The following LUZP2 variants were observed in gnomAD, a reference collection of about 807,000 sequenced individuals.
LUZP2 encodes leucine zipper protein 2.
LUZP2 carries 52 observed loss-of-function variants against 51.6 expected under a neutral mutation model. That is an observed-to-expected ratio of 1.01 (90% CI 0.81 to 1.27). The LOEUF (loss-of-function observed/expected upper bound fraction) is 1.27, where lower values mean the gene tolerates loss of function less well. LUZP2 is among the 50% of genes most tolerant of loss of function. The probability of loss-of-function intolerance (pLI) is 0.00; values close to 1 mark genes in which losing one functional copy is unlikely to be tolerated. For synonymous variants in LUZP2, 154 were observed against 137.3 expected (o/e 1.12, Z -0.85); for missense variants, 436 against 395.4 (o/e 1.10, Z -0.87).
At chr11:24,897,169 G>A (rs1853092967) in intron 5 of LUZP2, among the ~76,000 whole-genome samples, 1 of 112,774 alleles carries the variant, frequency 8.9e-6, no homozygotes, top group African/African-American at 3.5e-5. Flanking sequence ...CTCAGGGATT[G>A]TAAACACACC....
intron 1 of LUZP2, among the ~76,000 whole-genome samples, chr11:24,578,075 A>G (rs1852717665): frequency 6.6e-6 from 1 of 152,122 alleles, no homozygotes; most frequent in Non-Finnish European, 1.5e-5. Flanking sequence ...TTCTTTCTAG[A>G]CTGGGAGAAA....
At chr11:25,021,412 A>C (rs757779781) in intron 9 of LUZP2, among the ~76,000 whole-genome samples, 1 of 113,212 alleles carries the variant, frequency 8.8e-6, no homozygotes, top group African/African-American at 2.8e-5. Flanking sequence ...TTGTCCATGC[A>C]TGTGCACACA....
chr11:24,738,367 A>T, intron 4 of LUZP2, 65 bp downstream of exon 4: 3 of 1,116,412 alleles, frequency 2.7e-6, no homozygotes, highest in Non-Finnish European at 4.0e-6. Context: ...TCTTTTTCCA[A>T]AATCACTATG....
At chr11:24,659,989 G>A (rs1057240367) in intron 1 of LUZP2, among the ~76,000 whole-genome samples, 1 of 152,082 alleles carries the variant, frequency 6.6e-6, no homozygotes, top group Admixed American at 6.6e-5. Context: ...TTCACTTGGA[G>A]TAACGAAAAA....
At chr11:24,713,851 G>A (rs967410060) in intron 1 of LUZP2, among the ~76,000 whole-genome samples, 2 of 122,134 alleles carry the variant, frequency 1.6e-5, no homozygotes, top group East Asian at 2.6e-4. Context: ...ACCATGCCTG[G>A]CCATTTTTTT....
chr11:24,514,886 T>A (rs10767200), intron 1 of LUZP2, among the ~76,000 whole-genome samples: 151,125 of 152,276 alleles, frequency 0.99, 75,003 homozygotes, highest in East Asian at 1. Context: ...GCTGGTTGGT[T>A]CAGGATCAAG....
At chr11:24,641,700 CT>C (rs1855289929) in intron 1 of LUZP2, among the ~76,000 whole-genome samples, 1 of 151,840 alleles carries the variant, frequency 6.6e-6, no homozygotes, top group Non-Finnish European at 1.5e-5. Context: ...CTACTTCTAG[CT>C]TACAAATGCC....
intron 1 of LUZP2, among the ~76,000 whole-genome samples, chr11:24,529,992 A>C (rs919251996): frequency 6.6e-6 from 1 of 150,956 alleles, no homozygotes; most frequent in African/African-American, 2.4e-5. Context: ...GAAAATAAAC[A>C]CTTCATTTTT....
chr11:24,998,549 G>A (rs1055158129), intron 9 of LUZP2, among the ~76,000 whole-genome samples: 3 of 152,116 alleles, frequency 2.0e-5, no homozygotes, highest in Non-Finnish European at 4.4e-5. Context: ...CTCGTCTTGT[G>A]GAGTTCCACG....
intron 10 of LUZP2, among the ~76,000 whole-genome samples, chr11:25,050,744 A>G (rs1858484056): frequency 6.6e-6 from 1 of 152,202 alleles, no homozygotes; most frequent in Non-Finnish European, 1.5e-5. Flanking sequence ...CCACAGCTAC[A>G]TGAAAGAAAG....
At chr11:24,656,428 G>A (rs553552376) in intron 1 of LUZP2, among the ~76,000 whole-genome samples, 13 of 152,206 alleles carry the variant, frequency 8.5e-5, no homozygotes, top group African/African-American at 2.6e-4. Flanking sequence ...TTATTGTATC[G>A]GTTTTCTATT....
At chr11:24,625,191 G>C (rs1854635828) in intron 1 of LUZP2, among the ~76,000 whole-genome samples, 1 of 151,894 alleles carries the variant, frequency 6.6e-6, no homozygotes, top group African/African-American at 2.4e-5. Context: ...TTGGGGAAGG[G>C]GAAATGAGAT....
chr11:24,634,478 G>A lies in LUZP2; in HGVS notation c.63-94691G>A, dbSNP rs77042874. Among the ~76,000 whole-genome samples the A allele has an allele frequency of 3.3e-3, 501 of 152,048 alleles. 4 individuals carry two copies. Among genetic ancestry groups the A allele is most frequent in the African/African-American group, 0.012 (485 of 41,514 alleles). On this transcript the variant is annotated intron_variant, in intron 1 of 11. Coordinates refer to ENST00000336930, the MANE Select transcript of LUZP2 (RefSeq NM_001009909.4). ...GATAAGCCAAGATATGCCAGCTATCGATAACACAGAGAGATCAAGCATTTT... is the reference window on the plus strand; with the variant it reads ...GATAAGCCAAGATATGCCAGCTATCAATAACACAGAGAGATCAAGCATTTT...
chr11:24,689,557 A>T (rs537655578), intron 1 of LUZP2, among the ~76,000 whole-genome samples: 2 of 152,258 alleles, frequency 1.3e-5, no homozygotes, highest in Non-Finnish European at 2.9e-5. Context: ...TCTATTTTAG[A>T]GAGCCAGTTT....
chr11:24,938,945 G>T lies in LUZP2; in HGVS notation c.522+24407G>T, dbSNP rs80247273. 3.8e-3 allele frequency among the ~76,000 whole-genome samples: 577 copies of T among 152,146 alleles called. 9 individuals are homozygous for T. The highest frequency in any genetic ancestry group is 0.013 in the African/African-American group (544 of 41,494). ...GCTGATTTAGTAGGTCTCGGAGAGGGCTTGAGATTCTACACTTCAAACAAG... is the reference window on the plus strand; with the variant it reads ...GCTGATTTAGTAGGTCTCGGAGAGGTCTTGAGATTCTACACTTCAAACAAG... On this transcript the variant is annotated intron_variant, in intron 7 of 11. Transcript: ENST00000336930.
At chr11:24,651,931 C>A (rs557789819) in intron 1 of LUZP2, among the ~76,000 whole-genome samples, 37 of 152,118 alleles carry the variant, frequency 2.4e-4, no homozygotes, top group Middle Eastern at 3.4e-3. Flanking sequence ...AAAGCCTTTG[C>A]AATTCCCTCG....
At chr11:24,777,914 GA>G (rs548441653) in intron 5 of LUZP2, among the ~76,000 whole-genome samples, 1 of 102,756 alleles carries the variant, frequency 9.7e-6, no homozygotes, top group Non-Finnish European at 2.4e-5. Context: ...AAAGTTACAA[GA>G]AAAAAGTCTT....
chr11:24,908,352 G>T (rs1239689693), intron 6 of LUZP2, among the ~76,000 whole-genome samples: 1 of 152,118 alleles, frequency 6.6e-6, no homozygotes, highest in African/African-American at 2.4e-5. Context: ...AAAAATCTCA[G>T]ACTGAAAGAT....
intron 5 of LUZP2, among the ~76,000 whole-genome samples, chr11:24,807,053 C>T (rs113740921): frequency 2.5e-4 from 34 of 135,756 alleles, no homozygotes; most frequent in African/African-American, 8.2e-4. Flanking sequence ...AGGAGAGATA[C>T]GGTCTAGATA....
Sources: gnomAD v4.1 joint callset for allele counts (sites outside exome capture counted in the v4.1 genomes callset) on GRCh38, gnomAD v4.1.1 for gene constraint, MANE v1.5 for transcripts, NCBI Gene and HGNC (gene_info 2026-07-23, HGNC 2026-07-21) for gene names.